Variants in VSNL1 observed in about 807,000 individuals in gnomAD.
The protein encoded by VSNL1 is visinin-like protein 1.
Under a neutral mutation model 20.4 loss-of-function variants are expected in VSNL1, and 6 were observed. The observed-to-expected ratio is 0.29, with a 90% CI of 0.16 to 0.58. VSNL1 has a LOEUF of 0.58. Among genes scored for constraint, VSNL1 ranks in the 20% least tolerant of loss-of-function variants. VSNL1 has a pLI of 0.90. For synonymous variants in VSNL1, 93 were observed against 86.4 expected (o/e 1.08, Z -0.42); for missense variants, 100 against 234.5 (o/e 0.43, Z 3.75).
intron 2 of VSNL1, among the ~76,000 whole-genome samples, chr2:17,606,938 G>C (rs1443374768): frequency 1.3e-5 from 2 of 152,152 alleles, no homozygotes; most frequent in Non-Finnish European, 2.9e-5. Flanking sequence ...ATTTTATCGT[G>C]TCTGTGTGAT....
intron 2 of VSNL1, among the ~76,000 whole-genome samples, chr2:17,600,064 A>T (rs114088213): frequency 6.6e-6 from 1 of 152,338 alleles, no homozygotes; most frequent in African/African-American, 2.4e-5. Flanking sequence ...TTTGGTGTGC[A>T]TCTGTCCCAA....
intron 1 of VSNL1, among the ~76,000 whole-genome samples, chr2:17,584,750 T>A (rs1664429450): frequency 6.6e-6 from 1 of 152,132 alleles, no homozygotes; most frequent in Non-Finnish European, 1.5e-5. Context: ...CTTCAGCCTG[T>A]CTCAGTACCC....
chr2:17,569,118 C>G (rs1478814937), intron 1 of VSNL1, among the ~76,000 whole-genome samples: 2 of 151,990 alleles, frequency 1.3e-5, no homozygotes, highest in Non-Finnish European at 2.9e-5. Context: ...ACCTGTCTGG[C>G]CAACATGGCG....
At chr2:17,576,420 C>T (rs979580844) in intron 1 of VSNL1, among the ~76,000 whole-genome samples, 1 of 152,098 alleles carries the variant, frequency 6.6e-6, no homozygotes, top group South Asian at 2.1e-4. Flanking sequence ...CTTTAAGATA[C>T]CTTCCCCTGG....
chr2:17,587,895 G>T (rs1005128273), intron 1 of VSNL1, among the ~76,000 whole-genome samples: 2 of 152,138 alleles, frequency 1.3e-5, no homozygotes, highest in African/African-American at 4.8e-5. Flanking sequence ...CAATGTTGTT[G>T]CACAAAAGCC....
chr2:17,578,858 C>A (rs1365919841), intron 1 of VSNL1, among the ~76,000 whole-genome samples: 1 of 152,236 alleles, frequency 6.6e-6, no homozygotes, highest in Non-Finnish European at 1.5e-5. Flanking sequence ...AACACAGGGA[C>A]CTCACAGAAG....
rs973613516 is a variant in VSNL1, at chr2:17,655,056, C to T, written c.379-141C>T. 9.4e-6 allele frequency: 7 copies of T among 747,416 alleles called. No individual in the cohort carries two copies. In the African/African-American group the frequency reaches 1.1e-4, roughly 11 times the overall value. 46.3% of individuals were successfully genotyped at this position (747,416 alleles called of 1,614,324 possible). Reference sequence around the variant, plus strand: ...TGGGTTGTCACAGAAACTTGCAGCACAAGGAGTGAAACTCCTCTGGGGAAA... The same window carrying T: ...TGGGTTGTCACAGAAACTTGCAGCATAAGGAGTGAAACTCCTCTGGGGAAA... On this transcript the variant is annotated intron_variant, in intron 3 of 3. Coordinates refer to ENST00000295156, the MANE Select transcript of VSNL1 (RefSeq NM_003385.5). This position sits in a 1 kb window ranked among gnomAD's most constrained non-coding sequence, Gnocchi z 5.2.
At chr2:17,596,082 C>G (rs1215856555) in intron 2 of VSNL1, among the ~76,000 whole-genome samples, 2 of 152,190 alleles carry the variant, frequency 1.3e-5, no homozygotes, top group African/African-American at 4.8e-5. Flanking sequence ...TTAAGCCCCC[C>G]AGTCTGTGGT....
intron 1 of VSNL1, among the ~76,000 whole-genome samples, chr2:17,569,055 C>G (rs1330055357): frequency 6.6e-6 from 1 of 152,134 alleles, no homozygotes; most frequent in African/African-American, 2.4e-5. Flanking sequence ...CTCCTGTAAT[C>G]ACAGCACTTT....
rs1264199646 is a variant in VSNL1, at chr2:17,649,335, C to T, written c.163-75C>T. 7.6e-6 allele frequency: 11 copies of T among 1,446,488 alleles called. No homozygotes were observed. The highest frequency in any genetic ancestry group is 6.8e-5 in the East Asian group (3 of 44,014). 89.6% of individuals were successfully genotyped at this position (1,446,488 alleles called of 1,614,324 possible). A position where few individuals can be genotyped will look rare whatever the true frequency, so the allele number is the denominator to read the frequency against. On this transcript the variant is annotated intron_variant, in intron 2 of 3. Transcript: ENST00000295156. This position sits in a 1 kb window ranked among gnomAD's most constrained non-coding sequence, Gnocchi z 6.4. Reference sequence around the variant, plus strand: ...CAACGCCCAGGAGCACCTGTGATGCCGTCATTAGGAACCTACCTCGTCGCC... The same window carrying T: ...CAACGCCCAGGAGCACCTGTGATGCTGTCATTAGGAACCTACCTCGTCGCC...
chr2:17,556,995 C>T (rs1192441820), intron 1 of VSNL1, among the ~76,000 whole-genome samples: 1 of 152,080 alleles, frequency 6.6e-6, no homozygotes, highest in Non-Finnish European at 1.5e-5. Context: ...TCAGTTAATC[C>T]AGCAAAGGAG....
In VSNL1 at chr2:17,649,316, C is replaced by A; in HGVS notation, c.163-94C>A. 7.8e-7 allele frequency: 1 copy of A among 1,281,386 alleles called. No individual in the cohort carries two copies. The highest frequency in any genetic ancestry group is 1.1e-6 in the Non-Finnish European group (1 of 889,862). The allele number at this position is 1,281,386 out of a possible 1,614,324, so 79.4% of individuals were successfully genotyped here. The stretch of plus-strand genomic sequence containing the variant: ...CCAATGGGTGAGGCTCCGACAACGC[C>A]CAGGAGCACCTGTGATGCCGTCATT... On this transcript the variant is annotated intron_variant, in intron 2 of 3. Coordinates refer to ENST00000295156, the MANE Select transcript of VSNL1 (RefSeq NM_003385.5). The surrounding 1 kb of genome is among the most constrained non-coding windows in gnomAD (Gnocchi z 6.4).
At chr2:17,617,592 A>G (rs1336862000) in intron 2 of VSNL1, among the ~76,000 whole-genome samples, 1 of 152,042 alleles carries the variant, frequency 6.6e-6, no homozygotes, top group East Asian at 1.9e-4. Flanking sequence ...TGTAGAGTTC[A>G]TTCAGTTAAG....
chr2:17,653,539 C>T (rs1666165357), intron 3 of VSNL1, among the ~76,000 whole-genome samples: 1 of 152,208 alleles, frequency 6.6e-6, no homozygotes, highest in Non-Finnish European at 1.5e-5. Context: ...TACCAATTAT[C>T]CACAAAATGA....
intron 3 of VSNL1, among the ~76,000 whole-genome samples, chr2:17,653,270 T>G (rs1268779802): frequency 6.6e-6 from 1 of 152,150 alleles, no homozygotes; most frequent in Non-Finnish European, 1.5e-5. Flanking sequence ...ATTTTCAGAG[T>G]TGCTTCCTGA....
chr2:17,600,702 A>C (rs1199915507), intron 2 of VSNL1, among the ~76,000 whole-genome samples: 1 of 152,228 alleles, frequency 6.6e-6, no homozygotes, highest in Non-Finnish European at 1.5e-5. Flanking sequence ...TAGACATTAC[A>C]TGAAATACAT....
chr2:17,585,452 C>G (rs1434102914), intron 1 of VSNL1, among the ~76,000 whole-genome samples: 1 of 151,678 alleles, frequency 6.6e-6, no homozygotes, highest in African/African-American at 2.4e-5. Flanking sequence ...TTTTAACAGT[C>G]TCTGGAAACC....
intron 2 of VSNL1, among the ~76,000 whole-genome samples, chr2:17,626,457 G>A (rs1327057086): frequency 6.6e-6 from 1 of 152,292 alleles, no homozygotes; most frequent in African/African-American, 2.4e-5. Flanking sequence ...GCCACTAAGC[G>A]AAGTCCTAAG....
chr2:17,566,690 T>G (rs1273370615), intron 1 of VSNL1, among the ~76,000 whole-genome samples: 1 of 152,206 alleles, frequency 6.6e-6, no homozygotes, highest in African/African-American at 2.4e-5. Flanking sequence ...GCTTTTGTCT[T>G]AAAAACAAAA....
Sources: allele counts gnomAD v4.1 joint callset (sites outside exome capture counted in the v4.1 genomes callset), GRCh38; gene constraint gnomAD v4.1.1; non-coding constraint Gnocchi (gnomAD v3.1); transcripts MANE v1.5; gene names NCBI Gene and HGNC (gene_info 2026-07-23, HGNC 2026-07-21).